The following NDRG3 variants were observed in gnomAD, a reference collection of about 807,000 sequenced individuals.
The protein encoded by NDRG3 is NDRG family member 3.
A neutral mutation model predicts 57.2 loss-of-function variants in NDRG3; 23 were observed. The observed-to-expected ratio is 0.40, with a 90% CI of 0.29 to 0.57. The LOEUF is 0.57. Among genes scored for constraint, NDRG3 ranks in the 20% least tolerant of loss-of-function variants. NDRG3 has a pLI of 0.42. For missense variants in NDRG3, 384 were observed against 457.3 expected (o/e 0.84, Z 1.46); for synonymous variants, 132 against 162.6 (o/e 0.81, Z 1.43).
At chr20:36,707,499 A>T (rs62206151) in intron 2 of NDRG3, among the ~76,000 whole-genome samples, 44 of 152,328 alleles carry the variant, frequency 2.9e-4, no homozygotes, top group Admixed American at 6.5e-4. Flanking sequence ...AAGCCTTGAA[A>T]TCTAACAGAG....
chr20:36,702,968 GCCACCAGA>G (rs1486216655), intron 3 of NDRG3, among the ~76,000 whole-genome samples: 1 of 152,086 alleles, frequency 6.6e-6, no homozygotes, highest in East Asian at 1.9e-4. Flanking sequence ...ACAGTTGTGA[GCCACCAGA>G]CCTGGCCTAA....
At position 36,655,238 on chromosome 20, in the gene NDRG3, T is replaced by C. The variant is rs147965404; in HGVS notation, c.946+1122A>G. Among the ~76,000 whole-genome samples the C allele has an allele frequency of 3.4e-3, 512 of 152,222 alleles. 6 individuals carry two copies. The highest frequency in any genetic ancestry group is 0.012 in the African/African-American group (493 of 41,516). ...TGACACAGCCACTTGAGACAAGACATACATGGTCTGCCTGGCAGGTACAGG... is the reference window on the plus strand; with the variant it reads ...TGACACAGCCACTTGAGACAAGACACACATGGTCTGCCTGGCAGGTACAGG... On this transcript the variant is annotated intron_variant, in intron 15 of 15. Transcript: ENST00000349004.
intron 8 of NDRG3, among the ~76,000 whole-genome samples, chr20:36,677,631 G>C (rs1202458250): frequency 6.6e-6 from 1 of 152,218 alleles, no homozygotes; most frequent in Non-Finnish European, 1.5e-5. Context: ...GAGCTTCAGA[G>C]ACCTGCAGAG....
intron 8 of NDRG3, among the ~76,000 whole-genome samples, chr20:36,675,066 T>C (rs1435496436): frequency 1.4e-5 from 2 of 145,198 alleles, no homozygotes; most frequent in African/African-American, 5.1e-5. Flanking sequence ...GGCATTTTTT[T>C]TTTTTTTTTT....
chr20:36,714,511 G>C (rs967219397), intron 2 of NDRG3, among the ~76,000 whole-genome samples: 1 of 146,286 alleles, frequency 6.8e-6, no homozygotes, highest in East Asian at 2.1e-4. Flanking sequence ...GCGCGATCTC[G>C]ACTCAGAGCA....
chr20:36,664,594 T>C lies in NDRG3; in HGVS notation c.810+452A>G, dbSNP rs1201553755. On this transcript the variant is annotated intron_variant, in intron 12 of 15. Transcript: ENST00000349004. ...TAATGAAATCTAAGGATAAATTAAT[T>C]TTCCAAAATGTATGACAAAGAGCAA... Among the ~76,000 whole-genome samples the C allele has an allele frequency of 3.3e-5, 5 of 152,202 alleles. No homozygotes were observed. In the East Asian group the frequency reaches 9.6e-4, roughly 29 times the overall value.
At chr20:36,685,938 A>T (rs753356690) in intron 5 of NDRG3, among the ~76,000 whole-genome samples, 3 of 152,184 alleles carry the variant, frequency 2.0e-5, no homozygotes, top group Non-Finnish European at 2.9e-5. Context: ...TGAGCCCAGG[A>T]GGTTGAGGCT....
intron 1 of NDRG3, among the ~76,000 whole-genome samples, chr20:36,724,236 T>C (rs1477785839): frequency 1.3e-5 from 2 of 152,154 alleles, no homozygotes; most frequent in African/African-American, 4.8e-5. Flanking sequence ...TTGAGAACAC[T>C]CCTCAGGCTA....
chr20:36,683,665 C>CATATAT, intron 6 of NDRG3, among the ~76,000 whole-genome samples: 1 of 146,150 alleles, frequency 6.8e-6, no homozygotes, highest in East Asian at 2.0e-4. Context: ...TGTATATATA[C>CATATAT]ATATATATAT....
chr20:36,680,712 T>G (rs1345205801), intron 8 of NDRG3, 104 bp downstream of exon 8: 1 of 778,616 alleles, frequency 1.3e-6, no homozygotes, highest in Admixed American at 2.3e-5. Context: ...AGCTATATAC[T>G]TAACATTTTT....
chr20:36,711,338 C>T (rs1221445775), intron 2 of NDRG3, among the ~76,000 whole-genome samples: 1 of 151,646 alleles, frequency 6.6e-6, no homozygotes, highest in Non-Finnish European at 1.5e-5. Flanking sequence ...TAAAGATTGA[C>T]CTAACCTTTT....
At chr20:36,664,236 T>C (rs564944301) in intron 12 of NDRG3, among the ~76,000 whole-genome samples, 55 of 152,304 alleles carry the variant, frequency 3.6e-4, no homozygotes, top group Non-Finnish European at 6.8e-4. Context: ...GGTGCCCAAA[T>C]CTTGTATATT....
At chr20:36,664,957 G>A in intron 12 of NDRG3, 89 bp downstream of exon 12, 1 of 1,313,090 alleles carries the variant, frequency 7.6e-7, no homozygotes, top group Admixed American at 1.7e-5. Context: ...TCAAAGTGTT[G>A]GGAATACAGG....
chr20:36,683,868 T>C (rs1395482362), intron 6 of NDRG3, among the ~76,000 whole-genome samples: 1 of 152,122 alleles, frequency 6.6e-6, no homozygotes, highest in Non-Finnish European at 1.5e-5. Context: ...TCCAGTACCA[T>C]GCTATCATTA....
chr20:36,688,784 C>G lies in NDRG3; in HGVS notation c.94G>C (p.Glu32Gln), dbSNP rs375647408. Reference protein sequence around the residue: ...TRNFQDFDCQEHDIETTHGVV... With the variant: ...TRNFQDFDCQQHDIETTHGVV... ...CCATGAGTTGTTTCTATATCATGTT[C>G]CTGTAACAAGAGAATGTAAGTTCTC... The change falls in exon 4 of 16, where the codon GAA becomes CAA. Residue 32 changes from glutamate to glutamine, a missense_variant and splice_region_variant. Coordinates refer to ENST00000349004, the MANE Select transcript of NDRG3 (RefSeq NM_032013.4). The G allele has an allele frequency of 6.2e-7, 1 of 1,608,638 alleles. No homozygotes were observed. Among genetic ancestry groups the G allele is most frequent in the Non-Finnish European group, 8.5e-7 (1 of 1,175,124 alleles).
At chr20:36,711,963 T>C (rs943272954) in intron 2 of NDRG3, among the ~76,000 whole-genome samples, 4 of 152,192 alleles carry the variant, frequency 2.6e-5, no homozygotes, top group Non-Finnish European at 5.9e-5. Flanking sequence ...GTATTTTTAG[T>C]AGAGACGGGG....
At chr20:36,739,909 CA>C (rs774462877) in intron 1 of NDRG3, among the ~76,000 whole-genome samples, 2,987 of 41,704 alleles carry the variant, frequency 0.072, 32 homozygotes, top group African/African-American at 0.21. Flanking sequence ...GACTCCGTCT[CA>C]AAAAAAAAAA....
In NDRG3 at chr20:36,671,357, G is replaced by A. The variant is rs774153253; in HGVS notation, c.572C>T (p.Ala191Val). 4 of 1,613,834 alleles carry A rather than the reference G, an allele frequency of 2.5e-6. No homozygotes were observed. The highest frequency in any genetic ancestry group is 3.4e-6 in the Non-Finnish European group (4 of 1,179,766). The change falls in exon 9 of 16, where the codon GCT becomes GTT. Residue 191 changes from alanine to valine, a missense_variant. Coordinates refer to ENST00000349004, the MANE Select transcript of NDRG3 (RefSeq NM_032013.4). ...LTTNVVDIIL[A>V]HHFGQEELQA... ...GGTACTTACCTGCCCAAAGTGATGA[G>A]CCAAAATAATGTCCACAACATTGGT...
chr20:36,688,595 C>G (rs1981991119), intron 4 of NDRG3, 84 bp downstream of exon 4: 1 of 1,014,994 alleles, frequency 9.9e-7, no homozygotes, highest in South Asian at 1.3e-5. Flanking sequence ...AACCTCTGCT[C>G]TATTAGAATA....
Sources: allele counts gnomAD v4.1 joint callset (sites outside exome capture counted in the v4.1 genomes callset), GRCh38; gene constraint gnomAD v4.1.1; transcripts MANE v1.5; gene names NCBI Gene and HGNC (gene_info 2026-07-23, HGNC 2026-07-21).